The following METTL17 variants were observed in gnomAD, a reference collection of about 807,000 sequenced individuals.
The protein encoded by METTL17 is methyltransferase like 17.
METTL17 carries 49 observed loss-of-function variants against 59.4 expected under a neutral mutation model. That is an observed-to-expected ratio of 0.82 (90% CI 0.66 to 1.05). The LOEUF (loss-of-function observed/expected upper bound fraction) is 1.05, where lower values mean the gene tolerates loss of function less well. METTL17 is among the 50% of genes least tolerant of loss of function. The probability of loss-of-function intolerance (pLI) is 0.00; values close to 1 mark genes in which losing one functional copy is unlikely to be tolerated. For missense variants in METTL17, 555 were observed against 578.4 expected (o/e 0.96, Z 0.41); for synonymous variants, 208 against 209.2 (o/e 0.99, Z 0.05).
chr14:20,990,767 A>C (rs965412393), intron 3 of METTL17, 169 bp downstream of exon 3: 2 of 825,658 alleles, frequency 2.4e-6, no homozygotes, highest in African/African-American at 3.5e-5. Flanking sequence ...AGATTATTTT[A>C]GAGATTGCTT....
Position 20,996,963 on chromosome 14 carries a change from A to ACCAGCATTCCCC in METTL17, c.*73_*74insCCAGCATTCCCC. 6.8e-7 allele frequency: 1 copy of ACCAGCATTCCCC among 1,468,798 alleles called. No homozygotes were observed. The highest frequency in any genetic ancestry group is 9.3e-7 in the Non-Finnish European group (1 of 1,078,892). The allele number at this position is 1,468,798 out of a possible 1,614,324, so 91.0% of individuals were successfully genotyped here. On this transcript the variant is annotated 3_prime_UTR_variant, in exon 14 of 14. Coordinates refer to ENST00000339374, the MANE Select transcript of METTL17 (RefSeq NM_022734.3). ...AAGCTGCCTGGTATCCAGGAGGGGA[A>ACCAGCATTCCCC]TGCTGGTATCCCCATATGTCTGTGT...
Position 20,992,112 on chromosome 14 carries a change from T to C in METTL17, c.365-12T>C. On this transcript the variant is annotated splice_polypyrimidine_tract_variant and intron_variant, in intron 3 of 13. Transcript: ENST00000339374. Reference sequence around the variant, plus strand: ...CCTAGGTCCTGACTTCCAGTCCTTGTTCTCACCACAGACTTATCTCAGACA... The same window carrying C: ...CCTAGGTCCTGACTTCCAGTCCTTGCTCTCACCACAGACTTATCTCAGACA... The C allele has an allele frequency of 1.2e-6, 2 of 1,612,748 alleles. No individual in the cohort carries two copies. Among genetic ancestry groups the C allele is most frequent in the Non-Finnish European group, 1.7e-6 (2 of 1,179,358 alleles).
chr14:20,996,489 C>G, intron 12 of METTL17, 38 bp from the exon 13 acceptor site: 1 of 1,574,886 alleles, frequency 6.3e-7, no homozygotes, highest in Non-Finnish European at 8.6e-7. Context: ...TTTCCCATAT[C>G]TTTTTCTTCT....
Position 20,993,117 on chromosome 14 carries a change from G to C in METTL17, c.529-1G>C. 1 of 1,613,988 alleles carries C rather than the reference G, an allele frequency of 6.2e-7. No homozygotes were observed. Among genetic ancestry groups the C allele is most frequent in the Non-Finnish European group, 8.5e-7 (1 of 1,179,924 alleles). ...CTGTGGGATGTTGTATATTTCTTCA[G>C]ATCCGGGCTCGAAATCCAGCATTTC... On this transcript the variant is annotated splice_acceptor_variant, in intron 5 of 13. Coordinates refer to ENST00000339374, the MANE Select transcript of METTL17 (RefSeq NM_022734.3). LOFTEE classifies it high-confidence loss of function.
intron 5 of METTL17, 22 bp from the exon 6 acceptor site, chr14:20,993,096 G>A: frequency 2.5e-6 from 4 of 1,608,128 alleles, no homozygotes; most frequent in Non-Finnish European, 3.4e-6. Context: ...ACCCTACTGT[G>A]GGATGTTGTA....
intron 9 of METTL17, 58 bp downstream of exon 9, chr14:20,994,959 C>A: frequency 7.3e-7 from 1 of 1,366,506 alleles, no homozygotes; most frequent in Non-Finnish European, 1.0e-6. Context: ...GATTTCATGC[C>A]TTTGCTCCTC....
At chr14:20,993,587 G>A (rs926111591) in intron 6 of METTL17, 47 of 224,138 alleles carry the variant, frequency 2.1e-4, no homozygotes, top group African/African-American at 1.0e-3. Flanking sequence ...TGATTCTCCT[G>A]CCTCACCCTC....
Position 20,990,810 on chromosome 14 carries a change from T to TTTTGTTTG in METTL17, c.364+224_364+231dup, listed in dbSNP as rs10647581. 469 of 452,998 alleles carry TTTTGTTTG rather than the reference T, an allele frequency of 1.0e-3. 4 individuals are homozygous for TTTTGTTTG. The East Asian group carries it at 0.014, about 13-fold the overall frequency. 28.1% of individuals were successfully genotyped at this position (452,998 alleles called of 1,614,324 possible). A position where few individuals can be genotyped will look rare whatever the true frequency, so the allele number is the denominator to read the frequency against. On this transcript the variant is annotated intron_variant, in intron 3 of 13. Transcript: ENST00000339374. ...GGTCAGAATGTCCCAGTATACTGTT[T>TTTTGTTTG]TTTGTTTGTTTGTTTGTTTTGTTGT...
intron 2 of METTL17, 31 bp downstream of exon 2, chr14:20,990,414 G>A (rs1447090616): frequency 1.2e-6 from 2 of 1,613,382 alleles, no homozygotes; most frequent in Non-Finnish European, 1.7e-6. Flanking sequence ...GAGAAGAAAC[G>A]GGACTGGACC....
chr14:20,996,071 A>G lies in METTL17; in HGVS notation c.996+120A>G, dbSNP rs1880352659. 12 of 1,301,014 alleles carry G rather than the reference A, an allele frequency of 9.2e-6. No individual in the cohort carries two copies. In the South Asian group the frequency reaches 1.3e-4, roughly 14 times the overall value. 80.6% of individuals were successfully genotyped at this position (1,301,014 alleles called of 1,614,324 possible). ...TTGTGTTCCTATCCAGTTCCTACCT[A>G]ATGATTCCCCTGGCTCTTCCTACCC... On this transcript the variant is annotated intron_variant, in intron 11 of 13. Transcript: ENST00000339374.
chr14:20,996,638 C>T lies in METTL17; in HGVS notation c.1192C>T (p.His398Tyr), dbSNP rs1223802188. The T allele has an allele frequency of 6.2e-6, 10 of 1,614,132 alleles. No individual in the cohort carries two copies. Among genetic ancestry groups the T allele is most frequent in the African/African-American group, 1.3e-5 (1 of 74,960 alleles). ...TCAGCCTGTCCTTAAACGGCCTCGC[C>T]ATGTGCATTGTCACTTGTGCTGTCC... ...ITQPVLKRPR[H>Y]VHCHLCCPDG... is the part of the protein sequence containing the mutation. Residue 398 changes from histidine to tyrosine, a missense_variant, in exon 13 of 14, where the codon CAT (histidine) becomes TAT (tyrosine). Physicochemically the swap from His to Tyr is moderately conservative, Grantham distance 83 (BLOSUM62 2). Coordinates refer to ENST00000339374, the MANE Select transcript of METTL17 (RefSeq NM_022734.3).
intron 8 of METTL17, 35 bp from the exon 9 acceptor site, chr14:20,994,759 G>A (rs1352809845): frequency 1.3e-6 from 2 of 1,570,150 alleles, no homozygotes; most frequent in Non-Finnish European, 1.8e-6. Context: ...ATGTAGAGAT[G>A]TTGAGTCTGT....
rs752596208 is a variant in METTL17, at chr14:20,996,576, G to A, written c.1130G>A (p.Gly377Glu). 3.1e-6 allele frequency: 5 copies of A among 1,614,130 alleles called. No individual in the cohort carries two copies. In the Admixed American group the frequency reaches 8.3e-5, roughly 27 times the overall value. Reference sequence around the variant, plus strand: ...TTCTCTATGGTGATCCTTGCTCGGGGGTCTCCAGAGGAGGCTCATCGCTGG... The same window carrying A: ...TTCTCTATGGTGATCCTTGCTCGGGAGTCTCCAGAGGAGGCTCATCGCTGG... ...EKFSMVILARGSPEEAHRWPR... is the reference protein window; with the variant it reads ...EKFSMVILARESPEEAHRWPR... The change falls in exon 13 of 14, where the codon GGG (glycine) becomes GAG (glutamate). Residue 377 changes from glycine (G) to glutamate (E), a missense_variant. Coordinates refer to ENST00000339374, the MANE Select transcript of METTL17 (RefSeq NM_022734.3).
intron 5 of METTL17, 115 bp downstream of exon 5, chr14:20,992,737 A>G: frequency 1.3e-6 from 1 of 799,218 alleles, no homozygotes; most frequent in East Asian, 2.5e-5. Context: ...TTTTTTAAAG[A>G]GGATCTCCGC....
rs1275597683 is a variant in METTL17 at position 20,996,833 on chromosome 14, T to C, written c.1314T>C (p.Pro438=). 6.2e-7 allele frequency: 1 copy of C among 1,614,058 alleles called. No homozygotes were observed. ...TCAGCTCCTGGGGAGATCTTTTACCTGTGCTTACTCCGTCTGCGTTTCCTC... is the reference window on the plus strand; with the variant it reads ...TCAGCTCCTGGGGAGATCTTTTACCCGTGCTTACTCCGTCTGCGTTTCCTC... ...ARVSSWGDLL[P]VLTPSAFPPS... Residue 438 remains proline, a synonymous_variant, in exon 14 of 14, where the codon CCT becomes CCC. Transcript: ENST00000339374.
intron 6 of METTL17, chr14:20,993,515 G>A (rs777247766): frequency 3.6e-4 from 105 of 292,974 alleles, no homozygotes; most frequent in Non-Finnish European, 5.8e-4. Context: ...TCACTCTGTC[G>A]CCCAGGCTGG....
rs2771350 is a variant in METTL17 at position 20,996,248 on chromosome 14, G to A, written c.1036G>A (p.Ala346Thr). The change falls in exon 12 of 14, where the codon GCC (alanine) becomes ACC (threonine). Residue 346 changes from alanine (A) to threonine (T), a missense_variant. Physicochemically the swap from Ala to Thr is moderately conservative, Grantham distance 58 (BLOSUM62 0). Transcript: ENST00000339374. Reference protein sequence around the residue: ...ELPCPQLTNLACSFSQAYHPI... With the variant: ...ELPCPQLTNLTCSFSQAYHPI... ...CCCTTGTCCCCAGTTGACCAACCTG[G>A]CCTGTAGCTTCTCACAGGCGTACCA... The A allele has an allele frequency of 1.2e-6, 2 of 1,614,062 alleles. No homozygotes were observed. The highest frequency in any genetic ancestry group is 1.7e-6 in the Non-Finnish European group (2 of 1,180,014).
chr14:20,990,330 C>A lies in METTL17; in HGVS notation c.176C>A (p.Pro59Gln). 8.7e-6 allele frequency: 14 copies of A among 1,614,200 alleles called. No individual in the cohort carries two copies. The highest frequency in any genetic ancestry group is 1.0e-5 in the Non-Finnish European group (12 of 1,180,038). The change falls in exon 2 of 14, where the codon CCG becomes CAG. Residue 59 changes from proline to glutamine, a missense_variant. Coordinates refer to ENST00000339374, the MANE Select transcript of METTL17 (RefSeq NM_022734.3). The part of the protein sequence containing the change: ...HRQHPGILKL[P>Q]HVRLPQALAN... The stretch of plus-strand genomic sequence containing the variant: ...CAGCACCCTGGCATCCTAAAGCTGC[C>A]GCACGTGCGGCTGCCACAGGCACTG...
rs1390393441 is a variant in METTL17 at position 20,996,685 on chromosome 14, T to C, written c.1239T>C (p.Ala413=). The stretch of plus-strand genomic sequence containing the variant: ...GTCCAGATGGGCACATGCAGCATGC[T>C]GTGCTCACAGCCCGCCGGCACGGCA... ...LCCPDGHMQH[A]VLTARRHGRD... Residue 413 remains alanine (A), a synonymous_variant, in exon 13 of 14, where the codon GCT becomes GCC. Coordinates refer to ENST00000339374, the MANE Select transcript of METTL17 (RefSeq NM_022734.3). 2 of 1,614,138 alleles carry C rather than the reference T, an allele frequency of 1.2e-6. No homozygotes were observed. Among genetic ancestry groups the C allele is most frequent in the African/African-American group, 2.7e-5 (2 of 74,950 alleles).
Sources: allele counts gnomAD v4.1 joint callset, GRCh38; gene constraint gnomAD v4.1.1; transcripts MANE v1.5; gene names NCBI Gene and HGNC (gene_info 2026-07-23, HGNC 2026-07-21).